Variants in FRYL observed in about 807,000 individuals in gnomAD.
The protein encoded by FRYL is protein furry homolog-like.
A neutral mutation model predicts 351.2 loss-of-function variants in FRYL; 150 were observed. The observed-to-expected ratio is 0.43, with a 90% CI of 0.37 to 0.49. FRYL has a LOEUF of 0.49. Among genes scored for constraint, FRYL ranks in the 20% least tolerant of loss-of-function variants. FRYL has a pLI of 0.00. For synonymous variants in FRYL, 1,153 were observed against 1,257.1 expected (o/e 0.92, Z 1.75); for missense variants, 3,036 against 3,619.3 (o/e 0.84, Z 4.13).
rs368158231 is a variant in FRYL, at chr4:48,564,006, C to T, written c.3538G>A (p.Gly1180Ser). ...MYWAVDRCYTGSGRVAAGCFK... is the reference protein window; with the variant it reads ...MYWAVDRCYTSSGRVAAGCFK... ...CAGCCGGCCGCCACCCTCCCGGAGCCCGTGTAGCAGCGGTCCACAGCCCAG... is the reference window on the plus strand; with the variant it reads ...CAGCCGGCCGCCACCCTCCCGGAGCTCGTGTAGCAGCGGTCCACAGCCCAG... The change falls in exon 31 of 64, where the codon GGC becomes AGC. Residue 1180 changes from glycine (G) to serine (S), a missense_variant. Transcript: ENST00000358350. The T allele has an allele frequency of 8.7e-6, 14 of 1,614,146 alleles. No individual in the cohort carries two copies. In the African/African-American group the frequency reaches 1.9e-4, roughly 22 times the overall value.
At chr4:48,526,993 G>GT (rs961697690) in intron 53 of FRYL, among the ~76,000 whole-genome samples, 6 of 152,072 alleles carry the variant, frequency 3.9e-5, no homozygotes, top group Admixed American at 6.6e-5. Context: ...CAATTTAGTG[G>GT]TAAGTGTGTA....
chr4:48,691,278 C>T (rs1490063191), intron 2 of FRYL, among the ~76,000 whole-genome samples: 1 of 152,074 alleles, frequency 6.6e-6, no homozygotes. Context: ...TTTGCAAAGA[C>T]GTTCATTGTA....
At chr4:48,636,627 T>TAGC (rs2149379142) in intron 3 of FRYL, among the ~76,000 whole-genome samples, 1 of 152,104 alleles carries the variant, frequency 6.6e-6, no homozygotes, top group East Asian at 1.9e-4. Flanking sequence ...CATAATTGCA[T>TAGC]ACATTAAAAA....
chr4:48,700,118 T>A (rs1766581207), intron 2 of FRYL, among the ~76,000 whole-genome samples: 2 of 152,206 alleles, frequency 1.3e-5, no homozygotes, highest in Non-Finnish European at 2.9e-5. Context: ...TGTGGTGTGG[T>A]GTGACTCACC....
chr4:48,716,037 T>C (rs1254999520), intron 1 of FRYL, among the ~76,000 whole-genome samples: 1 of 152,206 alleles, frequency 6.6e-6, no homozygotes, highest in Admixed American at 6.5e-5. Flanking sequence ...GGATTCCCTA[T>C]TTAATAAATG....
rs56837574 is a variant in FRYL, at chr4:48,667,417, C to T, written c.-81+17256G>A. Reference sequence around the variant, plus strand: ...TTCCAAAAACAGTCACACAGAATCACAGAACCCCACCCCCTCGCTTTTTTT... The same window carrying T: ...TTCCAAAAACAGTCACACAGAATCATAGAACCCCACCCCCTCGCTTTTTTT... On this transcript the variant is annotated intron_variant, in intron 3 of 63. Transcript: ENST00000358350. Among the ~76,000 whole-genome samples, 461 of 151,472 alleles carry T rather than the reference C, an allele frequency of 3.0e-3. 1 individual carries two copies. The highest frequency in any genetic ancestry group is 0.011 in the African/African-American group (440 of 41,392).
chr4:48,550,812 G>A, intron 37 of FRYL, 108 bp from the exon 38 acceptor site: 1 of 826,948 alleles, frequency 1.2e-6, no homozygotes, highest in Non-Finnish European at 2.0e-6. Context: ...CATGGTTCAA[G>A]CCTGTAATCC....
intron 1 of FRYL, among the ~76,000 whole-genome samples, chr4:48,731,519 C>T (rs1214401808): frequency 6.6e-6 from 1 of 152,182 alleles, no homozygotes; most frequent in African/African-American, 2.4e-5. Flanking sequence ...CATCAGGCTA[C>T]CTGACTTCAA....
intron 46 of FRYL, 79 bp downstream of exon 46, chr4:48,540,274 A>G: frequency 6.9e-7 from 1 of 1,452,532 alleles, no homozygotes; most frequent in Non-Finnish European, 9.2e-7. Flanking sequence ...AGCAGAAATT[A>G]GTAGATTTCA....
At chr4:48,772,500 G>A (rs888471661) in intron 1 of FRYL, among the ~76,000 whole-genome samples, 1 of 152,068 alleles carries the variant, frequency 6.6e-6, no homozygotes, top group Non-Finnish European at 1.5e-5. Flanking sequence ...ACACAGGAAT[G>A]TACATTTATT....
intron 4 of FRYL, among the ~76,000 whole-genome samples, chr4:48,631,698 CA>C (rs1560752143): frequency 1.3e-5 from 2 of 151,778 alleles, no homozygotes; most frequent in East Asian, 3.9e-4. Context: ...CAAATTATTA[CA>C]GTAAAATACA....
chr4:48,558,255 G>A (rs1052652580), intron 33 of FRYL, among the ~76,000 whole-genome samples: 1 of 152,190 alleles, frequency 6.6e-6, no homozygotes, highest in African/African-American at 2.4e-5. Context: ...AAACAGGAAA[G>A]AAATCCTGTC....
intron 1 of FRYL, among the ~76,000 whole-genome samples, chr4:48,729,819 C>T (rs746655714): frequency 7.9e-5 from 12 of 152,110 alleles, no homozygotes; most frequent in Non-Finnish European, 1.8e-4. Context: ...GTCCAAAAAC[C>T]AGAACGCCTC....
intron 1 of FRYL, among the ~76,000 whole-genome samples, chr4:48,742,982 T>TTTTTTTTTTTTTTTTG (rs1772278786): frequency 7.3e-6 from 1 of 136,088 alleles, no homozygotes; most frequent in African/African-American, 2.6e-5. Context: ...AATTTTTTTT[T>TTTTTTTTTTTTTTTTG]TTTTTTTTTT....
At chr4:48,635,723 CTT>C (rs1754087019) in intron 3 of FRYL, among the ~76,000 whole-genome samples, 2 of 152,182 alleles carry the variant, frequency 1.3e-5, no homozygotes, top group South Asian at 4.1e-4. Context: ...TATCCTCTAA[CTT>C]AGCTTATGTT....
chr4:48,654,619 CTAT>C, intron 3 of FRYL, among the ~76,000 whole-genome samples: 1 of 152,320 alleles, frequency 6.6e-6, no homozygotes, highest in African/African-American at 2.4e-5. Context: ...AGCGATAACT[CTAT>C]TATAATAATG....
chr4:48,653,530 CAACTGTCTG>C (rs1758144653), intron 3 of FRYL, among the ~76,000 whole-genome samples: 1 of 152,038 alleles, frequency 6.6e-6, no homozygotes, highest in Non-Finnish European at 1.5e-5. Context: ...ACTGATTTTA[CAACTGTCTG>C]ATGTGTGCAT....
intron 4 of FRYL, among the ~76,000 whole-genome samples, chr4:48,632,045 C>T (rs1403753827): frequency 2.3e-5 from 2 of 87,236 alleles, no homozygotes; most frequent in Non-Finnish European, 4.0e-5. Context: ...ACAGCAAGAC[C>T]CTGTCTCTCC....
intron 59 of FRYL, among the ~76,000 whole-genome samples, chr4:48,508,357 C>G (rs1217790368): frequency 6.6e-6 from 1 of 152,148 alleles, no homozygotes; most frequent in East Asian, 1.9e-4. Flanking sequence ...AAAATGACAT[C>G]TTTACCATAT....
Sources: allele counts gnomAD v4.1 joint callset (sites outside exome capture counted in the v4.1 genomes callset), GRCh38; gene constraint gnomAD v4.1.1; transcripts MANE v1.5; gene names NCBI Gene and HGNC (gene_info 2026-07-23, HGNC 2026-07-21).